Variants in MICU1 observed in about 807,000 individuals in gnomAD.
The protein encoded by MICU1 is mitochondrial calcium uptake 1, also known as calcium uptake protein 1, mitochondrial.
Under a neutral mutation model 56.8 loss-of-function variants are expected in MICU1, and 45 were observed. That is an observed-to-expected ratio of 0.79 (90% CI 0.62 to 1.02). MICU1 has a LOEUF of 1.02. Ranked by LOEUF, MICU1 falls within the 50% of genes least tolerant of loss-of-function variation. MICU1 has a pLI of 0.00. For missense variants in MICU1, 504 were observed against 587.1 expected (o/e 0.86, Z 1.46); for synonymous variants, 186 against 195.1 (o/e 0.95, Z 0.39).
intron 8 of MICU1, among the ~76,000 whole-genome samples, chr10:72,467,171 T>C (rs1242668156): frequency 6.6e-6 from 1 of 151,936 alleles, no homozygotes; most frequent in Non-Finnish European, 1.5e-5. Flanking sequence ...ACTAATTTTC[T>C]GGTTTTTTGT....
intron 8 of MICU1, among the ~76,000 whole-genome samples, chr10:72,438,921 C>CA (rs1055615991): frequency 6.6e-6 from 1 of 151,926 alleles, no homozygotes; most frequent in African/African-American, 2.4e-5. Flanking sequence ...GCCTACCAAC[C>CA]AAAAAAAGTC....
chr10:72,550,650 A>G (rs1019902724), intron 4 of MICU1, among the ~76,000 whole-genome samples: 2 of 152,238 alleles, frequency 1.3e-5, no homozygotes, highest in Admixed American at 1.3e-4. Context: ...TGTGAAAGTT[A>G]GAATATTGAT....
chr10:72,463,568 A>G (rs929335368), intron 8 of MICU1, among the ~76,000 whole-genome samples: 1 of 152,342 alleles, frequency 6.6e-6, no homozygotes, highest in Non-Finnish European at 1.5e-5. Context: ...TTTACAAAGG[A>G]GCTTTACATA....
intron 1 of MICU1, among the ~76,000 whole-genome samples, chr10:72,601,953 C>T (rs951931706): frequency 6.6e-6 from 1 of 151,616 alleles, no homozygotes; most frequent in African/African-American, 2.4e-5. Context: ...GAGAGTGCCA[C>T]CATGCCTGGC....
intron 1 of MICU1, among the ~76,000 whole-genome samples, chr10:72,609,023 A>T (rs1323259505): frequency 6.6e-6 from 1 of 152,222 alleles, no homozygotes; most frequent in Non-Finnish European, 1.5e-5. Flanking sequence ...TAATTTGTGT[A>T]AAGTGTTTTA....
chr10:72,375,198 G>A (rs1031385404), intron 11 of MICU1, among the ~76,000 whole-genome samples: 1 of 152,188 alleles, frequency 6.6e-6, no homozygotes, highest in South Asian at 2.1e-4. Context: ...TAACTTTCTG[G>A]CTCATAGTAA....
intron 8 of MICU1, among the ~76,000 whole-genome samples, chr10:72,466,727 G>A (rs1286097475): frequency 1.3e-5 from 2 of 152,136 alleles, no homozygotes; most frequent in Non-Finnish European, 1.5e-5. Flanking sequence ...TGGATTGAAA[G>A]CCTTCTTGCC....
intron 3 of MICU1, among the ~76,000 whole-genome samples, chr10:72,562,489 G>C (rs1359122482): frequency 6.6e-6 from 1 of 152,054 alleles, no homozygotes; most frequent in African/African-American, 2.4e-5. Context: ...TTTGAAGTTT[G>C]TGCTGTCCTC....
At chr10:72,421,530 C>T (rs992560440) in intron 9 of MICU1, among the ~76,000 whole-genome samples, 1 of 152,156 alleles carries the variant, frequency 6.6e-6, no homozygotes, top group South Asian at 2.1e-4. Flanking sequence ...GTGTCTTGAC[C>T]TCCCAAAGCG....
intron 8 of MICU1, among the ~76,000 whole-genome samples, chr10:72,466,634 C>T (rs1865801788): frequency 6.6e-6 from 1 of 152,136 alleles, no homozygotes; most frequent in African/African-American, 2.4e-5. Context: ...TACACTTCCC[C>T]AGAGAACAAA....
chr10:72,438,403 G>A (rs189456279), intron 8 of MICU1, among the ~76,000 whole-genome samples: 6,377 of 152,246 alleles, frequency 0.042, 409 homozygotes, highest in African/African-American at 0.14. Flanking sequence ...AAAGCAGCGT[G>A]TAGAGGGAAA....
chr10:72,563,186 A>T (rs1840343416), intron 2 of MICU1, 123 bp from the exon 3 acceptor site: 6 of 671,564 alleles, frequency 8.9e-6, no homozygotes, highest in Non-Finnish European at 1.3e-5. Context: ...TACATGAAGA[A>T]GTTCCTCAAA....
At chr10:72,487,908 T>G (rs1355120636) in intron 6 of MICU1, among the ~76,000 whole-genome samples, 1 of 152,022 alleles carries the variant, frequency 6.6e-6, no homozygotes, top group East Asian at 1.9e-4. Flanking sequence ...GTTAATAATG[T>G]AAAAAAGTCT....
rs946891456 is a variant in MICU1, at chr10:72,384,153, C to T, written c.1181-8281G>A. 2.0e-5 allele frequency among the ~76,000 whole-genome samples: 3 copies of T among 152,136 alleles called. No homozygotes were observed. In the South Asian group the frequency reaches 6.2e-4, roughly 31 times the overall value. On this transcript the variant is annotated intron_variant, in intron 10 of 11. Coordinates refer to ENST00000361114, the MANE Select transcript of MICU1 (RefSeq NM_001195518.2). ...GGACTACAGGCTCGCGCCACCATGC[C>T]TGGCTAATTTTTGTATTTTTTTGTA...
intron 1 of MICU1, among the ~76,000 whole-genome samples, chr10:72,602,334 C>G (rs1490689256): frequency 6.6e-6 from 1 of 151,704 alleles, no homozygotes; most frequent in Admixed American, 6.6e-5. Context: ...GCCTGTAATC[C>G]CAGCTACTCG....
At chr10:72,539,681 G>C (rs986542724) in intron 4 of MICU1, among the ~76,000 whole-genome samples, 2 of 151,904 alleles carry the variant, frequency 1.3e-5, no homozygotes, top group African/African-American at 2.4e-5. Flanking sequence ...TAGGGAACTA[G>C]AAAAACAAGA....
intron 4 of MICU1, among the ~76,000 whole-genome samples, chr10:72,535,221 G>A (rs1839604404): frequency 6.6e-6 from 1 of 151,300 alleles, no homozygotes; most frequent in African/African-American, 2.4e-5. Flanking sequence ...GTAAAGATGG[G>A]GTTTTGCCAG....
chr10:72,377,616 C>T (rs1862568067), intron 10 of MICU1, among the ~76,000 whole-genome samples: 1 of 152,152 alleles, frequency 6.6e-6, no homozygotes, highest in African/African-American at 2.4e-5. Context: ...CCTTCTCTCT[C>T]ATTTATCCTC....
intron 10 of MICU1, among the ~76,000 whole-genome samples, chr10:72,396,651 T>C (rs974439296): frequency 4.7e-4 from 72 of 152,146 alleles, no homozygotes; most frequent in African/African-American, 1.7e-3. Flanking sequence ...CAAGCTTCAA[T>C]AGCTGATTCG....
Sources: allele counts gnomAD v4.1 joint callset (sites outside exome capture counted in the v4.1 genomes callset), GRCh38; gene constraint gnomAD v4.1.1; transcripts MANE v1.5; gene names NCBI Gene and HGNC (gene_info 2026-07-23, HGNC 2026-07-21).